TPTE2: variants seen among roughly 807,000 people sequenced by gnomAD.
TPTE2 encodes the protein transmembrane phosphoinositide 3-phosphatase and tensin homolog 2.
In TPTE2, 53 loss-of-function variants were observed where a neutral mutation model predicts 78.6. That is an observed-to-expected ratio of 0.67 (90% CI 0.54 to 0.85). TPTE2 has a LOEUF of 0.85. TPTE2 is among the 40% of genes least tolerant of loss of function. The pLI, the probability that TPTE2 is intolerant of heterozygous loss-of-function variation, is 0.00. For missense variants in TPTE2, 461 were observed against 623.0 expected, an observed-to-expected ratio of 0.74 and a Z score of 2.77; for synonymous variants, 175 against 206.2, an observed-to-expected ratio of 0.85 and a Z score of 1.30.
intron 4 of TPTE2, among the ~76,000 whole-genome samples, chr13:19,477,688 C>T (rs1880052839): frequency 6.6e-6 from 1 of 152,162 alleles, no homozygotes; most frequent in African/African-American, 2.4e-5. Flanking sequence ...ATTATGAAGG[C>T]ATGAAGAAGT....
the TPTE2 span, among the ~76,000 whole-genome samples, chr13:19,558,443 G>A: frequency 6.6e-6 from 1 of 152,154 alleles, no homozygotes; most frequent in African/African-American, 2.4e-5. Context: ...CCTAGTCATT[G>A]AGCAATTTCA....
At chr13:19,546,534 G>A in the TPTE2 span, among the ~76,000 whole-genome samples, 2 of 115,388 alleles carry the variant, frequency 1.7e-5, no homozygotes, top group Non-Finnish European at 3.3e-5. Flanking sequence ...TCGTTGCCCA[G>A]GCTGGAGTGC....
intron 10 of TPTE2, among the ~76,000 whole-genome samples, chr13:19,456,896 A>C (rs1878570250): frequency 6.6e-6 from 1 of 152,192 alleles, no homozygotes; most frequent in Non-Finnish European, 1.5e-5. Context: ...AGAAGTACAA[A>C]GTTGGAGGAC....
At chr13:19,495,066 T>C (rs1040816984) in intron 1 of TPTE2, among the ~76,000 whole-genome samples, 2 of 152,188 alleles carry the variant, frequency 1.3e-5, no homozygotes, top group African/African-American at 4.8e-5. Flanking sequence ...GAGCATTTAA[T>C]TCTAGTTCAA....
At chr13:19,498,469 C>G (rs1212285005) in intron 1 of TPTE2, among the ~76,000 whole-genome samples, 2 of 152,044 alleles carry the variant, frequency 1.3e-5, no homozygotes, top group African/African-American at 4.8e-5. Context: ...ACCCTACAAG[C>G]CAGAAGAGAG....
the TPTE2 span, among the ~76,000 whole-genome samples, chr13:19,547,764 A>G: frequency 0.01 from 1,305 of 126,078 alleles, 28 homozygotes; most frequent in African/African-American, 0.034. Context: ...CAATATGTGT[A>G]TAGTATGGTC....
chr13:19,509,677 G>A (rs1869300856), intron 1 of TPTE2, among the ~76,000 whole-genome samples: 2 of 151,972 alleles, frequency 1.3e-5, no homozygotes, highest in Non-Finnish European at 2.9e-5. Context: ...AAATTTTTTA[G>A]AATATTGACA....
At chr13:19,501,558 T>A (rs1291369265) in intron 1 of TPTE2, among the ~76,000 whole-genome samples, 1 of 150,844 alleles carries the variant, frequency 6.6e-6, no homozygotes, top group Non-Finnish European at 1.5e-5. Context: ...GGGAAAGGAT[T>A]CCCTATTTAA....
intron 19 of TPTE2, among the ~76,000 whole-genome samples, chr13:19,424,440 T>C (rs2497202): frequency 0.94 from 143,485 of 152,298 alleles, 68,195 homozygotes; most frequent in East Asian, 1. Context: ...TTAAATAGAC[T>C]ATTACTTAAT....
At chr13:19,437,484 T>A (rs900658948) in intron 14 of TPTE2, among the ~76,000 whole-genome samples, 1 of 152,224 alleles carries the variant, frequency 6.6e-6, no homozygotes, top group Admixed American at 6.5e-5. Context: ...ATATTTACAT[T>A]CAGGAGAGGC....
chr13:19,543,280 T>C, the TPTE2 span, among the ~76,000 whole-genome samples: 2 of 151,718 alleles, frequency 1.3e-5, no homozygotes, highest in Non-Finnish European at 2.9e-5. Context: ...CTCGAACTCC[T>C]GACCTCAGGT....
chr13:19,519,288 G>C (rs1194245016), intron 1 of TPTE2, among the ~76,000 whole-genome samples: 1 of 151,844 alleles, frequency 6.6e-6, no homozygotes, highest in Admixed American at 6.6e-5. Flanking sequence ...AAACCAGTGA[G>C]ACAACTCTAA....
chr13:19,551,581 C>G, the TPTE2 span, among the ~76,000 whole-genome samples: 2 of 110,122 alleles, frequency 1.8e-5, no homozygotes, highest in Non-Finnish European at 4.2e-5. Context: ...GAGAGAATCC[C>G]TCTCAAAAAA....
At chr13:19,542,989 A>C in the TPTE2 span, among the ~76,000 whole-genome samples, 1 of 152,056 alleles carries the variant, frequency 6.6e-6, no homozygotes, top group African/African-American at 2.4e-5. Flanking sequence ...AAAAAAAAAA[A>C]AATTGTTGCT....
chr13:19,494,465 C>A lies in TPTE2; in HGVS notation c.12-964G>T, dbSNP rs185289015. On this transcript the variant is annotated intron_variant, in intron 1 of 19. Coordinates refer to ENST00000400230, the Ensembl canonical transcript of TPTE2. ...TCCTGCTGCCCAGGGTGGAATGCAGCGGCATGTTCTCAGCTCACTGCAAAC... is the reference window on the plus strand; with the variant it reads ...TCCTGCTGCCCAGGGTGGAATGCAGAGGCATGTTCTCAGCTCACTGCAAAC... 4.2e-3 allele frequency among the ~76,000 whole-genome samples: 636 copies of A among 152,142 alleles called. 5 individuals carry two copies. Among genetic ancestry groups the A allele is most frequent in the South Asian group, 0.026 (126 of 4,824 alleles).
intron 1 of TPTE2, among the ~76,000 whole-genome samples, chr13:19,530,351 C>T (rs1870788292): frequency 6.6e-6 from 1 of 152,140 alleles, no homozygotes; most frequent in Admixed American, 6.5e-5. Context: ...ACGGTAAGTA[C>T]CCATGGGGTG....
intron 1 of TPTE2, among the ~76,000 whole-genome samples, chr13:19,513,496 G>C (rs1413919176): frequency 6.6e-6 from 1 of 152,152 alleles, no homozygotes; most frequent in Non-Finnish European, 1.5e-5. Context: ...ACAGATTTCT[G>C]ATGTCAATTC....
chr13:19,497,677 A>C (rs1306790131), intron 1 of TPTE2, among the ~76,000 whole-genome samples: 10 of 148,518 alleles, frequency 6.7e-5, no homozygotes, highest in Non-Finnish European at 1.5e-4. Flanking sequence ...GACCAAAAGT[A>C]GATAAAACCA....
chr13:19,446,974 C>A (rs1159129444), intron 13 of TPTE2, among the ~76,000 whole-genome samples: 2 of 151,944 alleles, frequency 1.3e-5, no homozygotes. Context: ...AACTTTTGTA[C>A]AACAAAATAA....
Sources: gnomAD v4.1 joint callset for allele counts (sites outside exome capture counted in the v4.1 genomes callset) on GRCh38, gnomAD v4.1.1 for gene constraint, MANE v1.5 for transcripts, NCBI Gene and HGNC (gene_info 2026-07-23, HGNC 2026-07-21) for gene names.